Variants in ABTB3 observed in about 807,000 individuals in gnomAD.
ABTB3 encodes the protein ankyrin repeat and BTB domain containing 3.
chr12:107,488,138 C>T, the ABTB3 span, among the ~76,000 whole-genome samples: 1 of 151,930 alleles, frequency 6.6e-6, no homozygotes, highest in African/African-American at 2.4e-5. Context: ...TCAGTGGGTA[C>T]CGAGCAGTCA....
chr12:107,599,597 C>T, the ABTB3 span, among the ~76,000 whole-genome samples: 6 of 152,150 alleles, frequency 3.9e-5, no homozygotes, highest in Non-Finnish European at 8.8e-5. Flanking sequence ...TTTCATTTCT[C>T]CCCGCTAGGT....
the ABTB3 span, among the ~76,000 whole-genome samples, chr12:107,355,251 C>G: frequency 6.6e-6 from 1 of 152,244 alleles, no homozygotes; most frequent in Non-Finnish European, 1.5e-5. Context: ...GAGCTGGAGC[C>G]TTCCTGGGGT....
At chr12:107,455,327 G>A in the ABTB3 span, among the ~76,000 whole-genome samples, 3 of 152,280 alleles carry the variant, frequency 2.0e-5, no homozygotes, top group African/African-American at 7.2e-5. Flanking sequence ...AGGGGGTTCA[G>A]GTCCATGGTT....
the ABTB3 span, among the ~76,000 whole-genome samples, chr12:107,607,206 G>A: frequency 6.6e-6 from 1 of 152,188 alleles, no homozygotes; most frequent in Non-Finnish European, 1.5e-5. Flanking sequence ...TAGTATAAGT[G>A]TGTCCCATGA....
chr12:107,502,152 C>T, the ABTB3 span, among the ~76,000 whole-genome samples: 1 of 151,770 alleles, frequency 6.6e-6, no homozygotes, highest in Non-Finnish European at 1.5e-5. Context: ...GCAACCTCTG[C>T]CTCCTGGGTT....
At chr12:107,586,729 C>G in the ABTB3 span, among the ~76,000 whole-genome samples, 3 of 152,162 alleles carry the variant, frequency 2.0e-5, no homozygotes, top group Non-Finnish European at 2.9e-5. Flanking sequence ...AGGAGCCAGG[C>G]TAGTACCTTG....
At chr12:107,503,261 T>C in the ABTB3 span, among the ~76,000 whole-genome samples, 1 of 152,056 alleles carries the variant, frequency 6.6e-6, no homozygotes, top group African/African-American at 2.4e-5. Context: ...ATTAGAGCAG[T>C]TGGATAGTGG....
the ABTB3 span, among the ~76,000 whole-genome samples, chr12:107,468,408 G>A: frequency 1.3e-5 from 2 of 152,158 alleles, no homozygotes; most frequent in Non-Finnish European, 2.9e-5. Context: ...CTTCTAGCAG[G>A]AGACCACCAG....
the ABTB3 span, among the ~76,000 whole-genome samples, chr12:107,333,731 A>G: frequency 6.6e-6 from 1 of 152,240 alleles, no homozygotes; most frequent in South Asian, 2.1e-4. Context: ...CCATCAGTCC[A>G]TAGAAAAAAA....
chr12:107,508,404 GC>G, the ABTB3 span, among the ~76,000 whole-genome samples: 133 of 135,732 alleles, frequency 9.8e-4, no homozygotes, highest in African/African-American at 3.3e-3. Context: ...CTGGTCCATT[GC>G]CATGATGTTA....
At chr12:107,591,857 C>A in the ABTB3 span, among the ~76,000 whole-genome samples, 1 of 152,298 alleles carries the variant, frequency 6.6e-6, no homozygotes, top group Admixed American at 6.5e-5. Context: ...ATCTGAGGAA[C>A]TTGGAACTCT....
chr12:107,531,975 G>A, the ABTB3 span, among the ~76,000 whole-genome samples: 243 of 152,234 alleles, frequency 1.6e-3, 1 homozygote, highest in African/African-American at 4.7e-3. Context: ...GGGAACAGGC[G>A]GTCTTGCACA....
the ABTB3 span, among the ~76,000 whole-genome samples, chr12:107,366,809 C>T: frequency 1.3e-5 from 2 of 152,302 alleles, no homozygotes; most frequent in Middle Eastern, 3.4e-3. Flanking sequence ...CTCCTTGCAT[C>T]TGAGTTACTG....
chr12:107,370,112 C>T, the ABTB3 span, among the ~76,000 whole-genome samples: 1 of 152,190 alleles, frequency 6.6e-6, no homozygotes, highest in Non-Finnish European at 1.5e-5. Context: ...TGATCATTGT[C>T]ACCAGACAAA....
chr12:107,342,555 C>T, the ABTB3 span, among the ~76,000 whole-genome samples: 1 of 152,098 alleles, frequency 6.6e-6, no homozygotes, highest in Non-Finnish European at 1.5e-5. Flanking sequence ...CAAGTTCATC[C>T]CTCCTGAACA....
the ABTB3 span, among the ~76,000 whole-genome samples, chr12:107,588,024 A>T: frequency 0.33 from 49,819 of 151,886 alleles, 9,558 homozygotes; most frequent in African/African-American, 0.54. Flanking sequence ...CTTCCTTGAC[A>T]TTTTCAGCCT....
the ABTB3 span, among the ~76,000 whole-genome samples, chr12:107,465,015 C>A: frequency 1.3e-5 from 2 of 151,950 alleles, no homozygotes; most frequent in Non-Finnish European, 2.9e-5. Context: ...ACCAACCATG[C>A]TTAGGTTGAG....
chr12:107,438,379 T>C, the ABTB3 span, among the ~76,000 whole-genome samples: 1 of 152,216 alleles, frequency 6.6e-6, no homozygotes, highest in Non-Finnish European at 1.5e-5. Context: ...CTTTCAAAAA[T>C]GGTCTTCCAT....
chr12:107,556,453 G>A, the ABTB3 span, among the ~76,000 whole-genome samples: 1 of 152,106 alleles, frequency 6.6e-6, no homozygotes, highest in Non-Finnish European at 1.5e-5. Context: ...AGCTTACCCA[G>A]GTCATATAGC....
Sources: allele counts gnomAD v4.1 joint callset (sites outside exome capture counted in the v4.1 genomes callset), GRCh38; gene constraint gnomAD v4.1.1; transcripts MANE v1.5; gene names NCBI Gene and HGNC (gene_info 2026-07-23, HGNC 2026-07-21).